Variants in ACTL8 observed in about 807,000 individuals in gnomAD.
ACTL8 encodes the protein actin like 8.
A neutral mutation model predicts 9.3 loss-of-function variants in ACTL8; 3 were observed. The ratio of observed to expected loss-of-function variants is 0.32; its 90% CI spans 0.15 to 0.83. ACTL8 has a LOEUF of 0.83. Among genes scored for constraint, ACTL8 ranks in the 40% least tolerant of loss-of-function variants. The pLI is 0.57. For synonymous variants in ACTL8, 224 were observed against 205.9 expected (o/e 1.09, Z -0.75); for missense variants, 381 against 492.2 (o/e 0.77, Z 2.14).
At chr1:17,777,355 G>C (rs1476818319) in intron 1 of ACTL8, among the ~76,000 whole-genome samples, 1 of 152,080 alleles carries the variant, frequency 6.6e-6, no homozygotes, top group Non-Finnish European at 1.5e-5. Flanking sequence ...GCAGTTCTTG[G>C]GTGGCACAGC....
chr1:17,786,184 GT>G (rs2102685656), intron 1 of ACTL8, among the ~76,000 whole-genome samples: 1 of 152,326 alleles, frequency 6.6e-6, no homozygotes, highest in South Asian at 2.1e-4. Flanking sequence ...TCTCCAGCCT[GT>G]TCAGACAGAG....
chr1:17,766,175 C>G (rs1445339206), intron 1 of ACTL8, among the ~76,000 whole-genome samples: 1 of 152,140 alleles, frequency 6.6e-6, no homozygotes, highest in Non-Finnish European at 1.5e-5. Flanking sequence ...GACCTCTGAA[C>G]CCTGGCTTTT....
chr1:17,790,439 G>A lies in ACTL8; in HGVS notation c.-24-32546G>A, dbSNP rs186617282. Among the ~76,000 whole-genome samples, 5 of 152,308 alleles carry A rather than the reference G, an allele frequency of 3.3e-5. No individual in the cohort carries two copies. In the East Asian group the frequency reaches 7.7e-4, roughly 24 times the overall value. On this transcript the variant is annotated intron_variant, in intron 1 of 2. Transcript: ENST00000375406. ...CAGACAAACAGAAGGTGAGCAAGAC[G>A]AAGAGGAGCTTTATTGAGCAAATAT...
chr1:17,785,547 CA>C (rs2066191150), intron 1 of ACTL8, among the ~76,000 whole-genome samples: 2 of 152,220 alleles, frequency 1.3e-5, no homozygotes, highest in South Asian at 4.1e-4. Context: ...CACAGATGTA[CA>C]CTGCCTTGCT....
chr1:17,811,902 G>T (rs1353831831), intron 1 of ACTL8, among the ~76,000 whole-genome samples: 3 of 150,054 alleles, frequency 2.0e-5, no homozygotes, highest in East Asian at 3.9e-4. Flanking sequence ...GGGTCTGGCT[G>T]TGTGGCCCAG....
intron 1 of ACTL8, among the ~76,000 whole-genome samples, chr1:17,761,259 C>G (rs1319446665): frequency 2.6e-5 from 4 of 151,808 alleles, no homozygotes; most frequent in African/African-American, 9.7e-5. Flanking sequence ...GTGTGAGCCA[C>G]TGTGCTTGGC....
intron 1 of ACTL8, among the ~76,000 whole-genome samples, chr1:17,790,430 G>A (rs2066230969): frequency 6.6e-6 from 1 of 152,206 alleles, no homozygotes; most frequent in Non-Finnish European, 1.5e-5. Context: ...AACAGAAGGT[G>A]AGCAAGACGA....
chr1:17,797,746 C>T (rs1460841223), intron 1 of ACTL8, among the ~76,000 whole-genome samples: 1 of 152,152 alleles, frequency 6.6e-6, no homozygotes, highest in Non-Finnish European at 1.5e-5. Context: ...CTCATTTCTT[C>T]CTCTGAGGAG....
chr1:17,774,126 G>T (rs1398978240), intron 1 of ACTL8, among the ~76,000 whole-genome samples: 1 of 152,176 alleles, frequency 6.6e-6, no homozygotes, highest in Non-Finnish European at 1.5e-5. Context: ...CTGCAGAGTC[G>T]GAACTAAAGC....
At chr1:17,778,887 G>T (rs2066134148) in intron 1 of ACTL8, among the ~76,000 whole-genome samples, 1 of 152,178 alleles carries the variant, frequency 6.6e-6, no homozygotes. Flanking sequence ...AGTTGAAGAA[G>T]AGATGCTGGA....
Position 17,826,874 on chromosome 1 carries a change from T to G in ACTL8, c.*355T>G. ...TCATTCTTCTTGGTTGAGTAGGTTT[T>G]AACTGGGGTAGCACTCCTGCTAGGA... is the stretch of plus-strand genomic sequence containing the variant. On this transcript the variant is annotated 3_prime_UTR_variant, in exon 3 of 3. Coordinates refer to ENST00000375406, the MANE Select transcript of ACTL8 (RefSeq NM_030812.3). This position sits in a 1 kb window ranked among gnomAD's most constrained non-coding sequence, Gnocchi z 4.5. The G allele has an allele frequency of 5.9e-6, 1 of 170,152 alleles. No individual in the cohort carries two copies. Among genetic ancestry groups the G allele is most frequent in the Non-Finnish European group, 1.2e-5 (1 of 80,174 alleles). The allele number at this position is 170,152 out of a possible 1,614,324, so 10.5% of individuals were successfully genotyped here. A position where few individuals can be genotyped will look rare whatever the true frequency, so the allele number is the denominator to read the frequency against.
At chr1:17,787,167 C>G (rs1364022603) in intron 1 of ACTL8, among the ~76,000 whole-genome samples, 1 of 152,158 alleles carries the variant, frequency 6.6e-6, no homozygotes, top group African/African-American at 2.4e-5. Context: ...CTTTTCCATG[C>G]TCTTATAGTC....
At chr1:17,771,031 C>T (rs1025474289) in intron 1 of ACTL8, among the ~76,000 whole-genome samples, 10 of 152,108 alleles carry the variant, frequency 6.6e-5, no homozygotes, top group African/African-American at 2.2e-4. Context: ...CATAGGTTAT[C>T]GTGAGGATTG....
At chr1:17,777,768 A>G in intron 1 of ACTL8, among the ~76,000 whole-genome samples, 1 of 152,174 alleles carries the variant, frequency 6.6e-6, no homozygotes, top group Non-Finnish European at 1.5e-5. Context: ...GTGCAATCTC[A>G]GCTCACTGCA....
At chr1:17,802,277 G>T (rs1570030190) in intron 1 of ACTL8, among the ~76,000 whole-genome samples, 1 of 152,150 alleles carries the variant, frequency 6.6e-6, no homozygotes, top group Non-Finnish European at 1.5e-5. Flanking sequence ...TGTGGATTCA[G>T]GTTGCTGTTT....
At chr1:17,811,890 CAG>C (rs1241800870) in intron 1 of ACTL8, among the ~76,000 whole-genome samples, 3 of 147,698 alleles carry the variant, frequency 2.0e-5, no homozygotes, top group African/African-American at 7.5e-5. Flanking sequence ...TTTTTTGAGA[CAG>C]GGTCTGGCTG....
intron 1 of ACTL8, among the ~76,000 whole-genome samples, chr1:17,795,324 G>T (rs1170119298): frequency 6.6e-6 from 1 of 152,212 alleles, no homozygotes; most frequent in Non-Finnish European, 1.5e-5. Context: ...GACCGGCCTA[G>T]CTTCTAGGGA....
chr1:17,813,202 A>C (rs918551105), intron 1 of ACTL8, among the ~76,000 whole-genome samples: 5 of 152,236 alleles, frequency 3.3e-5, no homozygotes, highest in African/African-American at 1.2e-4. Flanking sequence ...GTGAGGACTG[A>C]CATCTTTACC....
At chr1:17,810,991 C>G (rs535988195) in intron 1 of ACTL8, among the ~76,000 whole-genome samples, 87 of 152,240 alleles carry the variant, frequency 5.7e-4, no homozygotes, top group African/African-American at 2.0e-3. Context: ...TCTTATTTCT[C>G]TGGAGTACAT....
Sources: gnomAD v4.1 joint callset for allele counts (sites outside exome capture counted in the v4.1 genomes callset) on GRCh38, gnomAD v4.1.1 for gene constraint, Gnocchi (gnomAD v3.1) non-coding constraint, MANE v1.5 for transcripts, NCBI Gene and HGNC (gene_info 2026-07-23, HGNC 2026-07-21) for gene names.